CDH13: variants seen among roughly 807,000 people sequenced by gnomAD.
CDH13 encodes cadherin 13, also known as cadherin-13.
Under a neutral mutation model 63.8 loss-of-function variants are expected in CDH13, and 24 were observed. That is an observed-to-expected ratio of 0.38 (90% confidence interval 0.27 to 0.53). The LOEUF (loss-of-function observed/expected upper bound fraction) is 0.53, where lower values mean the gene tolerates loss of function less well. Among genes scored for constraint, CDH13 ranks in the 20% least tolerant of loss-of-function variants. CDH13 has a pLI of 0.85. For synonymous variants in CDH13, 503 were observed against 355.3 expected, an observed-to-expected ratio of 1.42 and a Z score of -4.67; for missense variants, 1,049 against 903.1, an observed-to-expected ratio of 1.16 and a Z score of -2.07.
At chr16:82,913,092 ACT>A (rs1215101734) in intron 2 of CDH13, among the ~76,000 whole-genome samples, 1 of 151,982 alleles carries the variant, frequency 6.6e-6, no homozygotes, top group African/African-American at 2.4e-5. Flanking sequence ...AATGTATGAG[ACT>A]CTCTGAGTAA....
intron 2 of CDH13, among the ~76,000 whole-genome samples, chr16:82,965,592 T>C (rs1312126243): frequency 1.3e-5 from 2 of 152,194 alleles, no homozygotes. Context: ...AGTACAGTGG[T>C]GTGATCTTGG....
intron 7 of CDH13, among the ~76,000 whole-genome samples, chr16:83,504,675 A>G (rs1419408699): frequency 2.0e-5 from 3 of 152,198 alleles, no homozygotes; most frequent in Non-Finnish European, 2.9e-5. Context: ...TAACAGCCTC[A>G]TCCTCAACAC....
intron 10 of CDH13, among the ~76,000 whole-genome samples, chr16:83,687,810 G>A (rs1024488622): frequency 6.6e-6 from 1 of 152,188 alleles, no homozygotes; most frequent in Non-Finnish European, 1.5e-5. Flanking sequence ...AGCCATTGCC[G>A]TCAGCCAACC....
At chr16:82,857,610 AG>A (rs1446320298) in intron 1 of CDH13, among the ~76,000 whole-genome samples, 1 of 152,260 alleles carries the variant, frequency 6.6e-6, no homozygotes, top group Non-Finnish European at 1.5e-5. Context: ...CTGCAAAGAC[AG>A]AACTGTGCCT....
rs1904302604 is a variant in CDH13, at chr16:83,799,354, C to T, written c.*4324C>T. On this transcript the variant is annotated 3_prime_UTR_variant, in exon 14 of 14. Coordinates refer to ENST00000567109, the MANE Select transcript of CDH13 (RefSeq NM_001257.5). The stretch of plus-strand genomic sequence containing the variant: ...AGGAAATTTATGAACTCCAGAGTAC[C>T]CATTCACTACCAAACCAACTGAGGG... 1 of 151,394 alleles carries T rather than the reference C, an allele frequency of 6.6e-6. No individual in the cohort carries two copies. Among genetic ancestry groups the T allele is most frequent in the African/African-American group, 2.4e-5 (1 of 41,184 alleles). The allele number at this position is 151,394 out of a possible 1,614,324, so 9.4% of individuals were successfully genotyped here.
chr16:83,759,082 T>C (rs936716347), intron 11 of CDH13, among the ~76,000 whole-genome samples: 1 of 152,162 alleles, frequency 6.6e-6, no homozygotes, highest in Non-Finnish European at 1.5e-5. Context: ...GAGTGAAAAA[T>C]GGCCAAGGCA....
intron 6 of CDH13, among the ~76,000 whole-genome samples, chr16:83,452,827 GA>G (rs1390203723): frequency 2.6e-5 from 4 of 152,146 alleles, no homozygotes; most frequent in African/African-American, 7.2e-5. Context: ...GTGGGTTTTG[GA>G]AGGAGAAATC....
chr16:83,059,793 G>GTTTTT (rs66521965), intron 3 of CDH13, among the ~76,000 whole-genome samples: 36 of 113,060 alleles, frequency 3.2e-4, no homozygotes, highest in South Asian at 6.2e-4. Flanking sequence ...TTTTTTGTTT[G>GTTTTT]TTTTTTTTTT....
intron 4 of CDH13, among the ~76,000 whole-genome samples, chr16:83,190,306 T>C (rs1266802093): frequency 6.6e-6 from 1 of 152,058 alleles, no homozygotes; most frequent in South Asian, 2.1e-4. Context: ...ATGGGGCAAG[T>C]GGGAGGGTTG....
chr16:83,268,476 T>C (rs2088692822), intron 5 of CDH13, among the ~76,000 whole-genome samples: 2 of 152,204 alleles, frequency 1.3e-5, no homozygotes, highest in South Asian at 4.1e-4. Flanking sequence ...CACAATTGGA[T>C]AGGTACTTCT....
intron 2 of CDH13, among the ~76,000 whole-genome samples, chr16:82,991,824 G>A (rs1303201712): frequency 1.3e-5 from 2 of 148,614 alleles, no homozygotes; most frequent in East Asian, 3.9e-4. Context: ...TGAGGAAGAG[G>A]GAAGGAGAAA....
intron 5 of CDH13, among the ~76,000 whole-genome samples, chr16:83,266,153 G>C (rs933053690): frequency 6.6e-6 from 1 of 152,018 alleles, no homozygotes; most frequent in African/African-American, 2.4e-5. Flanking sequence ...GGCCAGGCTG[G>C]TCTCAAACTC....
At chr16:83,184,089 A>AACACACAC (rs10656475) in intron 4 of CDH13, among the ~76,000 whole-genome samples, 2,035 of 131,564 alleles carry the variant, frequency 0.015, 21 homozygotes, top group Admixed American at 0.028. Flanking sequence ...CTAGAGGTTA[A>AACACACAC]ACACACACAC....
At chr16:82,665,186 T>C (rs554551250) in intron 1 of CDH13, among the ~76,000 whole-genome samples, 80 of 152,310 alleles carry the variant, frequency 5.3e-4, no homozygotes, top group Non-Finnish European at 1.0e-3. Context: ...TTTGCCACAA[T>C]TTTATGCTAT....
chr16:83,149,415 G>A (rs917090798), intron 4 of CDH13, among the ~76,000 whole-genome samples: 3 of 152,110 alleles, frequency 2.0e-5, no homozygotes, highest in Admixed American at 1.3e-4. Flanking sequence ...TTTATTCATT[G>A]CGTCCATGAT....
chr16:82,850,427 T>C (rs774109338), intron 1 of CDH13, among the ~76,000 whole-genome samples: 1 of 152,290 alleles, frequency 6.6e-6, no homozygotes, highest in Non-Finnish European at 1.5e-5. Context: ...TGTGAATGGA[T>C]GAGGAGCTGC....
chr16:83,062,034 C>G (rs2031599309), intron 3 of CDH13, among the ~76,000 whole-genome samples: 1 of 152,176 alleles, frequency 6.6e-6, no homozygotes, highest in Admixed American at 6.5e-5. Flanking sequence ...AGTATTTTAG[C>G]AAAACGGATG....
intron 7 of CDH13, among the ~76,000 whole-genome samples, chr16:83,566,665 C>G (rs1302769944): frequency 1.3e-5 from 2 of 152,180 alleles, no homozygotes; most frequent in Non-Finnish European, 2.9e-5. Flanking sequence ...ATGGGAGGTT[C>G]TGGTCACTCT....
chr16:83,761,446 A>T (rs1209373150), intron 11 of CDH13, among the ~76,000 whole-genome samples: 1 of 152,260 alleles, frequency 6.6e-6, no homozygotes, highest in Non-Finnish European at 1.5e-5. Context: ...TCTCAAGCCA[A>T]AGTAAGCTGA....
Sources: gnomAD v4.1 joint callset for allele counts (sites outside exome capture counted in the v4.1 genomes callset) on GRCh38, gnomAD v4.1.1 for gene constraint, MANE v1.5 for transcripts, NCBI Gene and HGNC (gene_info 2026-07-23, HGNC 2026-07-21) for gene names.